TERT: variants seen among roughly 807,000 people sequenced by gnomAD.
The protein encoded by TERT is telomerase reverse transcriptase, also known as telomerase catalytic subunit.
A neutral mutation model predicts 104.0 loss-of-function variants in TERT; 42 were observed. That is an observed-to-expected ratio of 0.40 (90% confidence interval 0.32 to 0.52). TERT has a LOEUF of 0.52. TERT is among the 20% of genes least tolerant of loss of function. The probability of loss-of-function intolerance (pLI) is 0.43; values close to 1 mark genes in which losing one functional copy is unlikely to be tolerated. For synonymous variants in TERT, 781 were observed against 725.6 expected (o/e 1.08, Z -1.23); for missense variants, 1,101 against 1,610.3 (o/e 0.68, Z 5.41).
chr5:1,256,304 G>A lies in TERT; in HGVS notation c.3033-893C>T, dbSNP rs373887880. ...GCTGGGACTACAGGTGTGAGCCACC[G>A]CGCCAGCCCTGTCAGCCTCCATCTT... is the stretch of plus-strand genomic sequence containing the variant. On this transcript the variant is annotated intron_variant, in intron 13 of 15. Transcript: ENST00000310581. The surrounding 1 kb of genome is among the most constrained non-coding windows in gnomAD (Gnocchi z 7.0). 3.4e-4 allele frequency among the ~76,000 whole-genome samples: 52 copies of A among 152,182 alleles called. No individual in the cohort carries two copies. The South Asian group carries it at 6.9e-3, about 20-fold the overall frequency.
Position 1,280,113 on chromosome 5 carries a change from A to G in TERT, c.1950+45T>C, listed in dbSNP as rs775894338. ...AAGCTGATACCAAATGTGGGGCTCA[A>G]ACGCACTTCTGTTTAAAAAGGAAGT... is the stretch of plus-strand genomic sequence containing the variant. On this transcript the variant is annotated intron_variant, in intron 4 of 15. Coordinates refer to ENST00000310581, the MANE Select transcript of TERT (RefSeq NM_198253.3). 5 of 1,612,218 alleles carry G rather than the reference A, an allele frequency of 3.1e-6. No individual in the cohort carries two copies. In the Admixed American group the frequency reaches 6.7e-5, roughly 21 times the overall value.
rs1455990789 is a variant in TERT, at chr5:1,278,764, G to C, written c.2163C>G (p.Pro721=). 1.2e-6 allele frequency: 2 copies of C among 1,614,182 alleles called. No individual in the cohort carries two copies. The highest frequency in any genetic ancestry group is 1.7e-5 in the Admixed American group (1 of 60,036). The change falls in exon 6 of 16, where the codon CCC becomes CCG. Residue 721 remains proline, a synonymous_variant. Transcript: ENST00000310581. ...VDVTGAYDTI[P]QDRLTEVIAS... is the part of the protein sequence containing the mutation. ...CGATGACCTCCGTGAGCCTGTCCTGGGGGATGGTGTCGTACGCGCCCGTCA... is the reference window on the plus strand; with the variant it reads ...CGATGACCTCCGTGAGCCTGTCCTGCGGGATGGTGTCGTACGCGCCCGTCA...
chr5:1,286,099 C>T lies in TERT; in HGVS notation c.1574-3475G>A, dbSNP rs1025893142. The stretch of plus-strand genomic sequence containing the variant: ...TGGGGTTTTCCAGGCTGAACCCAGG[C>T]CGAGCGGACGTTGCTGTCACTCACT... On this transcript the variant is annotated intron_variant, in intron 2 of 15. Transcript: ENST00000310581. This position sits in a 1 kb window ranked among gnomAD's most constrained non-coding sequence, Gnocchi z 5.3. Among the ~76,000 whole-genome samples, 1 of 152,118 alleles carries T rather than the reference C, an allele frequency of 6.6e-6. No individual in the cohort carries two copies. The highest frequency in any genetic ancestry group is 1.9e-4 in the East Asian group (1 of 5,170).
chr5:1,264,627 G>C (rs747497183), intron 10 of TERT, 35 bp from the exon 11 acceptor site: 6 of 1,612,050 alleles, frequency 3.7e-6, no homozygotes, highest in Non-Finnish European at 5.1e-6. Flanking sequence ...CCCAGGATGC[G>C]GGGCCGTCAC....
At position 1,291,044 on chromosome 5, in the gene TERT, G is replaced by A. The variant is rs1313334701; in HGVS notation, c.1573+2269C>T. On this transcript the variant is annotated intron_variant, in intron 2 of 15. Transcript: ENST00000310581. Reference sequence around the variant, plus strand: ...GCCTCACTCACCCTGCACGGGACAGGGACACCCGGGGACAGTGCCTCACTC... The same window carrying A: ...GCCTCACTCACCCTGCACGGGACAGAGACACCCGGGGACAGTGCCTCACTC... Among the ~76,000 whole-genome samples, 20 of 103,430 alleles carry A rather than the reference G, an allele frequency of 1.9e-4. 1 individual carries two copies. Among genetic ancestry groups the A allele is most frequent in the African/African-American group, 7.6e-4 (16 of 20,962 alleles). The allele number at this position is 103,430 out of a possible 152,430, so 67.9% of individuals were successfully genotyped here.
rs577996470 is a variant in TERT at position 1,254,591 on chromosome 5, T to A, written c.3158-86A>T. ...CCGGAAAGCTGCCCACACCCGACGG[T>A]CTGCGGGGTGGCTCCATCTCTGGCT... On this transcript the variant is annotated intron_variant, in intron 14 of 15. Transcript: ENST00000310581. 2.7e-6 allele frequency: 4 copies of A among 1,490,302 alleles called. No individual in the cohort carries two copies. In the African/African-American group the frequency reaches 5.6e-5, roughly 21 times the overall value. The allele number at this position is 1,490,302 out of a possible 1,614,324, so 92.3% of individuals were successfully genotyped here.
rs561884153 is a variant in TERT at position 1,253,674 on chromosome 5, G to C, written c.*54C>G. ...CCTCCCTCCCTGGGACGTAGAGCCCGGCGTGACAGGGCTGCTGGTGTCTGC... is the reference window on the plus strand; with the variant it reads ...CCTCCCTCCCTGGGACGTAGAGCCCCGCGTGACAGGGCTGCTGGTGTCTGC... On this transcript the variant is annotated 3_prime_UTR_variant, in exon 16 of 16. Coordinates refer to ENST00000310581, the MANE Select transcript of TERT (RefSeq NM_198253.3). The C allele has an allele frequency of 2.2e-5, 32 of 1,483,402 alleles. No individual in the cohort carries two copies. In the East Asian group the frequency reaches 6.7e-4, roughly 31 times the overall value. The allele number at this position is 1,483,402 out of a possible 1,614,324, so 91.9% of individuals were successfully genotyped here. A position where few individuals can be genotyped will look rare whatever the true frequency, so the allele number is the denominator to read the frequency against.
chr5:1,258,789 C>A (rs1747944232), intron 12 of TERT, 130 bp from the exon 13 acceptor site: 14 of 871,846 alleles, frequency 1.6e-5, no homozygotes, highest in Non-Finnish European at 2.6e-5. Flanking sequence ...TATCCCTCTT[C>A]CCAGTGAAAT....
intron 12 of TERT, among the ~76,000 whole-genome samples, chr5:1,259,299 G>GA (rs2126576382): frequency 6.9e-6 from 1 of 144,074 alleles, no homozygotes; most frequent in African/African-American, 2.6e-5. Flanking sequence ...CCACAGGAGA[G>GA]GGAGTGGACG....
Position 1,261,828 on chromosome 5 carries a change from C to T in TERT, c.2844-1228G>A, listed in dbSNP as rs1391593547. 6.6e-6 allele frequency among the ~76,000 whole-genome samples: 1 copy of T among 152,222 alleles called. No individual in the cohort carries two copies. On this transcript the variant is annotated intron_variant, in intron 11 of 15. Transcript: ENST00000310581. This position sits in a 1 kb window ranked among gnomAD's most constrained non-coding sequence, Gnocchi z 7.4. The stretch of plus-strand genomic sequence containing the variant: ...AAGGGCCCCGGAGCAGGAGGCCAGG[C>T]TGCAATCATGCATGCCCTTTGCCAG...
At chr5:1,281,446 C>T (rs1021354381) in intron 3 of TERT, among the ~76,000 whole-genome samples, 30 of 152,238 alleles carry the variant, frequency 2.0e-4, no homozygotes, top group African/African-American at 7.2e-4. Flanking sequence ...CCCTGATCTT[C>T]TGACTAAAGC....
intron 6 of TERT, among the ~76,000 whole-genome samples, chr5:1,277,649 A>C: frequency 2.3e-5 from 3 of 127,692 alleles, no homozygotes; most frequent in South Asian, 6.0e-4. Flanking sequence ...ACACCCGGGC[A>C]CAGGTGGGCG....
rs1291362244 is a variant in TERT at position 1,256,645 on chromosome 5, C to T, written c.3033-1234G>A. Among the ~76,000 whole-genome samples, 1 of 152,170 alleles carries T rather than the reference C, an allele frequency of 6.6e-6. No individual in the cohort carries two copies. Among genetic ancestry groups the T allele is most frequent in the Non-Finnish European group, 1.5e-5 (1 of 68,034 alleles). On this transcript the variant is annotated intron_variant, in intron 13 of 15. Transcript: ENST00000310581. The surrounding 1 kb of genome is among the most constrained non-coding windows in gnomAD (Gnocchi z 7.0). ...GATCACACCAGTCAAGCCAGCACCCCGGTTTCAGCCTCTCAGTAACTCTGC... is the reference window on the plus strand; with the variant it reads ...GATCACACCAGTCAAGCCAGCACCCTGGTTTCAGCCTCTCAGTAACTCTGC...
rs565006890 is a variant in TERT, at chr5:1,270,665, G to A, written c.2468+454C>T. On this transcript the variant is annotated intron_variant, in intron 8 of 15. Transcript: ENST00000310581. The surrounding 1 kb of genome is among the most constrained non-coding windows in gnomAD (Gnocchi z 8.3). Reference sequence around the variant, plus strand: ...AATCTAGTCACAGAGAGAAGAGCCCGCGCCCTCGCGGGGGTCACACGACAG... The same window carrying A: ...AATCTAGTCACAGAGAGAAGAGCCCACGCCCTCGCGGGGGTCACACGACAG... 3.9e-5 allele frequency among the ~76,000 whole-genome samples: 6 copies of A among 152,328 alleles called. No homozygotes were observed. The highest frequency in any genetic ancestry group is 3.9e-4 in the East Asian group (2 of 5,182).
Position 1,294,022 on chromosome 5 carries a change from C to T in TERT, c.864G>A (p.Ala288=), listed in dbSNP as rs2126687319. The stretch of plus-strand genomic sequence containing the variant: ...GGTGGGAGTGGCGCGTGCCAGAGAG[C>T]GCACCCTCCAAAGAGGTGGCTTCTT... ...PAEEATSLEG[A]LSGTRHSHPS... is the part of the protein sequence containing the mutation. Residue 288 remains alanine, a synonymous_variant, in exon 2 of 16, where the codon GCG becomes GCA. Coordinates refer to ENST00000310581, the MANE Select transcript of TERT (RefSeq NM_198253.3). 2 of 1,594,310 alleles carry T rather than the reference C, an allele frequency of 1.3e-6. No individual in the cohort carries two copies. The highest frequency in any genetic ancestry group is 1.7e-6 in the Non-Finnish European group (2 of 1,172,620).
Position 1,257,873 on chromosome 5 carries a change from G to C in TERT, c.3032+725C>G, listed in dbSNP as rs1354035033. 6.6e-6 allele frequency among the ~76,000 whole-genome samples: 1 copy of C among 152,202 alleles called. No individual in the cohort carries two copies. The highest frequency in any genetic ancestry group is 1.9e-4 in the East Asian group (1 of 5,182). Reference sequence around the variant, plus strand: ...GAGGGCTTCGGCCTCCTGGCATTCAGCTCCCAGTGGCTCGGGAGGCCTGTT... The same window carrying C: ...GAGGGCTTCGGCCTCCTGGCATTCACCTCCCAGTGGCTCGGGAGGCCTGTT... On this transcript the variant is annotated intron_variant, in intron 13 of 15. Transcript: ENST00000310581. The surrounding 1 kb of genome is among the most constrained non-coding windows in gnomAD (Gnocchi z 5.6).
At chr5:1,279,983 C>CTGGAG (rs937170079) in intron 4 of TERT, among the ~76,000 whole-genome samples, 175 bp downstream of exon 4, 1 of 152,230 alleles carries the variant, frequency 6.6e-6, no homozygotes, top group African/African-American at 2.4e-5. Flanking sequence ...CGCTGCTTTT[C>CTGGAG]TGGAGGCACC....
Position 1,292,485 on chromosome 5 carries a change from C to G in TERT, c.1573+828G>C, listed in dbSNP as rs942245076. Among the ~76,000 whole-genome samples the G allele has an allele frequency of 1.3e-5, 2 of 151,904 alleles. No individual in the cohort carries two copies. The highest frequency in any genetic ancestry group is 4.8e-5 in the African/African-American group (2 of 41,332). On this transcript the variant is annotated intron_variant, in intron 2 of 15. Coordinates refer to ENST00000310581, the MANE Select transcript of TERT (RefSeq NM_198253.3). The surrounding 1 kb of genome is among the most constrained non-coding windows in gnomAD (Gnocchi z 5.5). ...GCTGGAGAACAGTCTTATCTCCCTC[C>G]CTCTACCCTGTCCTGGCACAATCAA... is the stretch of plus-strand genomic sequence containing the variant.
chr5:1,282,939 A>C, intron 2 of TERT: 3 of 456,270 alleles, frequency 6.6e-6, no homozygotes, highest in Non-Finnish European at 1.2e-5. Context: ...CCGGACCTGC[A>C]CCATCCAGAC....
Sources: allele counts gnomAD v4.1 joint callset (sites outside exome capture counted in the v4.1 genomes callset), GRCh38; gene constraint gnomAD v4.1.1; non-coding constraint Gnocchi (gnomAD v3.1); transcripts MANE v1.5; gene names NCBI Gene and HGNC (gene_info 2026-07-23, HGNC 2026-07-21).